GPC5: variants seen among roughly 807,000 people sequenced by gnomAD.
GPC5 encodes the protein glypican-5.
In GPC5, 47 loss-of-function variants were observed where a neutral mutation model predicts 53.9. That is an observed-to-expected ratio of 0.87 (90% CI 0.69 to 1.11). The LOEUF is 1.11. GPC5 is among the 50% of genes most tolerant of loss of function. The pLI, the probability that GPC5 is intolerant of heterozygous loss-of-function variation, is 0.00. For synonymous variants in GPC5, 286 were observed against 263.3 expected (o/e 1.09, Z -0.84); for missense variants, 748 against 713.1 (o/e 1.05, Z -0.56).
intron 7 of GPC5, among the ~76,000 whole-genome samples, chr13:92,751,401 T>C (rs1219744952): frequency 2.7e-5 from 4 of 147,450 alleles, no homozygotes; most frequent in South Asian, 4.3e-4. Flanking sequence ...AGAATTAAGA[T>C]GCACAATTAA....
chr13:91,838,476 A>G (rs987884447), intron 5 of GPC5, among the ~76,000 whole-genome samples: 1 of 152,182 alleles, frequency 6.6e-6, no homozygotes, highest in East Asian at 1.9e-4. Flanking sequence ...AAGAGGAGAA[A>G]TATTATGCAT....
chr13:92,368,994 T>C (rs1310236085), intron 7 of GPC5, among the ~76,000 whole-genome samples: 2 of 152,200 alleles, frequency 1.3e-5, no homozygotes, highest in African/African-American at 2.4e-5. Context: ...AGCTGTATAC[T>C]GTCTTACTGG....
At chr13:91,910,841 C>T (rs944261264) in intron 6 of GPC5, among the ~76,000 whole-genome samples, 6 of 152,138 alleles carry the variant, frequency 3.9e-5, no homozygotes, top group Non-Finnish European at 8.8e-5. Flanking sequence ...CAACCCTGCT[C>T]TCATGGGCTT....
intron 7 of GPC5, among the ~76,000 whole-genome samples, chr13:92,515,420 G>A (rs1235486496): frequency 6.6e-6 from 1 of 152,080 alleles, no homozygotes; most frequent in East Asian, 1.9e-4. Flanking sequence ...GAGATTTTTG[G>A]TTTTTGTACA....
intron 7 of GPC5, among the ~76,000 whole-genome samples, chr13:92,390,487 G>A (rs1164069706): frequency 1.3e-5 from 2 of 152,152 alleles, no homozygotes; most frequent in African/African-American, 4.8e-5. Context: ...TTTTCTGCAT[G>A]ACATAATCGG....
chr13:92,122,956 T>A (rs1402958078), intron 6 of GPC5, among the ~76,000 whole-genome samples: 1 of 152,156 alleles, frequency 6.6e-6, no homozygotes, highest in Non-Finnish European at 1.5e-5. Flanking sequence ...ATATAGACAT[T>A]ATGTATGTTC....
chr13:92,717,849 G>A (rs909250873), intron 7 of GPC5, among the ~76,000 whole-genome samples: 2 of 152,042 alleles, frequency 1.3e-5, no homozygotes, highest in South Asian at 4.1e-4. Flanking sequence ...AAAAATATTT[G>A]CCAACTATCC....
At chr13:91,990,909 T>C (rs1194423937) in intron 6 of GPC5, among the ~76,000 whole-genome samples, 1 of 152,210 alleles carries the variant, frequency 6.6e-6, no homozygotes, top group African/African-American at 2.4e-5. Flanking sequence ...ATGAATTAAT[T>C]AGATCTCCCC....
intron 6 of GPC5, among the ~76,000 whole-genome samples, chr13:92,041,253 G>T (rs2040939447): frequency 6.6e-6 from 1 of 152,206 alleles, no homozygotes; most frequent in Non-Finnish European, 1.5e-5. Flanking sequence ...TGTCAACAAT[G>T]TTAAGTGAGG....
In GPC5 at chr13:92,304,003, C is replaced by T. The variant is rs117017720; in HGVS notation, c.1561+159014C>T. ...AGCATCTATAACTGATGTCTGTCTA[C>T]GAGCTTCTACATAGATTCCATTCTA... On this transcript the variant is annotated intron_variant, in intron 7 of 7. Transcript: ENST00000377067. Among the ~76,000 whole-genome samples the T allele has an allele frequency of 8.6e-4, 131 of 152,192 alleles. 1 individual carries two copies. The East Asian group carries it at 0.016, about 18-fold the overall frequency.
At chr13:92,772,802 TTTC>T (rs1278449058) in intron 7 of GPC5, among the ~76,000 whole-genome samples, 2 of 152,222 alleles carry the variant, frequency 1.3e-5, no homozygotes, top group Non-Finnish European at 2.9e-5. Flanking sequence ...TTCAAAAATA[TTTC>T]TTATCACAGT....
At chr13:91,819,738 C>A (rs1032919592) in intron 5 of GPC5, among the ~76,000 whole-genome samples, 2 of 151,994 alleles carry the variant, frequency 1.3e-5, no homozygotes, top group African/African-American at 2.4e-5. Context: ...TTGCACGTGC[C>A]TATGTTTCTC....
intron 6 of GPC5, among the ~76,000 whole-genome samples, chr13:92,103,991 T>C (rs77331993): frequency 0.019 from 2,886 of 152,236 alleles, 100 homozygotes; most frequent in African/African-American, 0.067. Context: ...ATTACCACTT[T>C]ATAGAGCTGA....
chr13:92,195,120 T>G (rs974685905), intron 7 of GPC5, among the ~76,000 whole-genome samples: 2 of 152,196 alleles, frequency 1.3e-5, no homozygotes, highest in African/African-American at 4.8e-5. Context: ...TGCATGGCCC[T>G]TCAAGATAAA....
chr13:91,875,860 A>T (rs1223367007), intron 5 of GPC5, among the ~76,000 whole-genome samples: 1 of 152,248 alleles, frequency 6.6e-6, no homozygotes, highest in Non-Finnish European at 1.5e-5. Flanking sequence ...TCATATTGGC[A>T]TAACACAATT....
chr13:92,163,494 G>A (rs2042005961), intron 7 of GPC5, among the ~76,000 whole-genome samples: 1 of 150,466 alleles, frequency 6.6e-6, no homozygotes, highest in Non-Finnish European at 1.5e-5. Flanking sequence ...AAAGAAATAG[G>A]AAAGTCACAA....
intron 6 of GPC5, among the ~76,000 whole-genome samples, chr13:91,955,167 G>C (rs1413337558): frequency 6.6e-6 from 1 of 152,100 alleles, no homozygotes; most frequent in Non-Finnish European, 1.5e-5. Flanking sequence ...AATTAATCTG[G>C]ATATTCAGTA....
At chr13:91,849,147 A>G (rs1440228729) in intron 5 of GPC5, among the ~76,000 whole-genome samples, 1 of 152,038 alleles carries the variant, frequency 6.6e-6, no homozygotes, top group African/African-American at 2.4e-5. Flanking sequence ...TCTTTTTCTG[A>G]TCTAATAAAG....
intron 2 of GPC5, among the ~76,000 whole-genome samples, chr13:91,472,199 A>G (rs927529548): frequency 6.6e-6 from 1 of 152,196 alleles, no homozygotes; most frequent in East Asian, 1.9e-4. Context: ...AGGACAATGT[A>G]TAATCTATGG....
Sources: gnomAD v4.1 joint callset for allele counts (sites outside exome capture counted in the v4.1 genomes callset) on GRCh38, gnomAD v4.1.1 for gene constraint, MANE v1.5 for transcripts, NCBI Gene and HGNC (gene_info 2026-07-23, HGNC 2026-07-21) for gene names.